KCNK2: variants seen among roughly 807,000 people sequenced by gnomAD.
The protein encoded by KCNK2 is potassium two pore domain channel subfamily K member 2, also known as potassium channel subfamily K member 2.
A neutral mutation model predicts 40.5 loss-of-function variants in KCNK2; 21 were observed. The ratio of observed to expected loss-of-function variants is 0.52; its 90% CI spans 0.37 to 0.75. The LOEUF (loss-of-function observed/expected upper bound fraction) is 0.75, where lower values mean the gene tolerates loss of function less well. Among genes scored for constraint, KCNK2 ranks in the 30% least tolerant of loss-of-function variants. The pLI, the probability that KCNK2 is intolerant of heterozygous loss-of-function variation, is 0.00. For missense variants in KCNK2, 399 were observed against 531.6 expected (o/e 0.75, Z 2.45); for synonymous variants, 191 against 202.2 (o/e 0.94, Z 0.47).
At chr1:215,234,110 G>A (rs1035657001) in intron 6 of KCNK2, among the ~76,000 whole-genome samples, 3 of 152,238 alleles carry the variant, frequency 2.0e-5, no homozygotes, top group Non-Finnish European at 4.4e-5. Context: ...GTAACTTCAC[G>A]GATTCCACAA....
At chr1:215,232,569 C>T (rs41422647) in intron 6 of KCNK2, among the ~76,000 whole-genome samples, 5,160 of 152,118 alleles carry the variant, frequency 0.034, 130 homozygotes, top group South Asian at 0.11. Flanking sequence ...GTGCCACATA[C>T]GAGGTTCTAG....
At chr1:215,038,062 G>A (rs955211048) in intron 1 of KCNK2, among the ~76,000 whole-genome samples, 6 of 151,902 alleles carry the variant, frequency 3.9e-5, no homozygotes, top group Non-Finnish European at 8.8e-5. Context: ...GTCTCCTTAT[G>A]TTCTCCTAAT....
At chr1:215,005,707 A>G (rs565413423), upstream of KCNK2, 23 of 515,198 alleles carry the variant, frequency 4.5e-5, no homozygotes, top group African/African-American at 3.9e-4. Context: ...TGAGTAGCAC[A>G]TTTCACTTGC....
intron 1 of KCNK2, among the ~76,000 whole-genome samples, chr1:215,025,479 A>G (rs1656971801): frequency 6.6e-6 from 1 of 152,070 alleles, no homozygotes; most frequent in African/African-American, 2.4e-5. Context: ...TAAGTAATAT[A>G]AATATTAATA....
At chr1:215,191,809 T>C (rs1664678220) in intron 5 of KCNK2, among the ~76,000 whole-genome samples, 3 of 152,168 alleles carry the variant, frequency 2.0e-5, no homozygotes, top group Non-Finnish European at 2.9e-5. Flanking sequence ...AAAAGAGCAG[T>C]GGAGTGAATA....
intron 2 of KCNK2, among the ~76,000 whole-genome samples, chr1:215,090,661 A>C (rs1164074944): frequency 6.6e-6 from 1 of 152,230 alleles, no homozygotes; most frequent in Non-Finnish European, 1.5e-5. Context: ...TTATAAGGTT[A>C]AAAGATAGAG....
chr1:215,171,395 T>C (rs1663704659), intron 4 of KCNK2, among the ~76,000 whole-genome samples: 1 of 152,136 alleles, frequency 6.6e-6, no homozygotes, highest in African/African-American at 2.4e-5. Context: ...ATTCACCTGG[T>C]TCATGTTGGA....
At chr1:215,065,684 C>T (rs1387952416) in intron 1 of KCNK2, among the ~76,000 whole-genome samples, 1 of 152,122 alleles carries the variant, frequency 6.6e-6, no homozygotes, top group African/African-American at 2.4e-5. Flanking sequence ...TAAGTCAGTG[C>T]CTTGTTCTTA....
chr1:215,215,244 AC>A (rs2102693439), intron 6 of KCNK2, among the ~76,000 whole-genome samples: 1 of 152,066 alleles, frequency 6.6e-6, no homozygotes, highest in South Asian at 2.1e-4. Context: ...AATAGGTAAT[AC>A]TGGTAAGGCA....
chr1:215,094,370 GGAT>G (rs1361505096), intron 2 of KCNK2, among the ~76,000 whole-genome samples: 4 of 151,988 alleles, frequency 2.6e-5, no homozygotes, highest in African/African-American at 4.8e-5. Flanking sequence ...TAACCTTCTT[GGAT>G]GTATATTAAC....
Position 215,093,875 on chromosome 1 carries a change from A to T in KCNK2, c.357+7197A>T, listed in dbSNP as rs1343922014. ...TATATTATATATAAAAATATATTAT[A>T]TATTATATATTATATATAAAAATAT... On this transcript the variant is annotated intron_variant, in intron 2 of 6. Coordinates refer to ENST00000444842, the MANE Select transcript of KCNK2 (RefSeq NM_001017425.3). Among the ~76,000 whole-genome samples, 527 of 101,110 alleles carry T rather than the reference A, an allele frequency of 5.2e-3. 17 individuals are homozygous for T. In the East Asian group the frequency reaches 0.055, roughly 11 times the overall value. The allele number at this position is 101,110 out of a possible 152,430, so 66.3% of individuals were successfully genotyped here.
chr1:215,177,741 T>TATA (rs1553270860), intron 5 of KCNK2, among the ~76,000 whole-genome samples: 428 of 20,588 alleles, frequency 0.021, 3 homozygotes, highest in African/African-American at 0.059. Flanking sequence ...TATATATATA[T>TATA]TTTTTTTTTT....
chr1:215,207,833 C>A (rs769623686), intron 6 of KCNK2, among the ~76,000 whole-genome samples: 7 of 152,126 alleles, frequency 4.6e-5, no homozygotes, highest in Non-Finnish European at 1.0e-4. Flanking sequence ...TATTTCATAC[C>A]AGTCAGAATG....
chr1:215,149,304 A>G (rs540899200), intron 3 of KCNK2, among the ~76,000 whole-genome samples: 1 of 152,234 alleles, frequency 6.6e-6, no homozygotes, highest in African/African-American at 2.4e-5. Flanking sequence ...CCCTGTGGTG[A>G]CAATTTATGT....
At chr1:215,007,033 ATATATG>A (rs1400204248) in intron 1 of KCNK2, among the ~76,000 whole-genome samples, 142 of 60,240 alleles carry the variant, frequency 2.4e-3, no homozygotes, top group African/African-American at 2.6e-3. Context: ...ATATATATAT[ATATATG>A]TGTGTGTGTG....
intron 2 of KCNK2, among the ~76,000 whole-genome samples, chr1:215,099,660 C>G (rs1224048249): frequency 2.6e-5 from 4 of 151,894 alleles, no homozygotes; most frequent in Non-Finnish European, 5.9e-5. Context: ...GGAGGGGGAT[C>G]TCAGTAGACC....
At position 215,086,625 on chromosome 1, in the gene KCNK2, T is replaced by A; in HGVS notation, c.304T>A (p.Phe102Ile). 1.2e-6 allele frequency: 2 copies of A among 1,614,170 alleles called. No homozygotes were observed. The highest frequency in any genetic ancestry group is 2.2e-5 in the East Asian group (1 of 44,880). ...CACCATTGTGATCCAGAAGCAAACATTCATATCCCAACATTCCTGTGTCAA... is the reference window on the plus strand; with the variant it reads ...CACCATTGTGATCCAGAAGCAAACAATCATATCCCAACATTCCTGTGTCAA... ...RTTIVIQKQT[F>I]ISQHSCVNST... The change falls in exon 2 of 7, where the codon TTC becomes ATC. Residue 102 changes from phenylalanine to isoleucine, a missense_variant. Phe to Ile is a conservative substitution (Grantham distance 21, BLOSUM62 0). Transcript: ENST00000444842.
At chr1:215,184,197 G>A (rs1188270557) in intron 5 of KCNK2, among the ~76,000 whole-genome samples, 1 of 152,148 alleles carries the variant, frequency 6.6e-6, no homozygotes. Flanking sequence ...TATAAGATAA[G>A]CTTGTGTCCT....
intron 3 of KCNK2, among the ~76,000 whole-genome samples, chr1:215,133,332 G>A (rs543851326): frequency 1.3e-5 from 2 of 152,176 alleles, no homozygotes; most frequent in Non-Finnish European, 2.9e-5. Context: ...TAGTCATGAA[G>A]TTCATGCCCT....
Sources: allele counts gnomAD v4.1 joint callset (sites outside exome capture counted in the v4.1 genomes callset), GRCh38; gene constraint gnomAD v4.1.1; transcripts MANE v1.5; gene names NCBI Gene and HGNC (gene_info 2026-07-23, HGNC 2026-07-21).